Variants in ARMC2 observed in about 807,000 individuals in gnomAD.
ARMC2 encodes the protein armadillo repeat-containing protein 2.
A neutral mutation model predicts 90.3 loss-of-function variants in ARMC2; 67 were observed. The ratio of observed to expected loss-of-function variants is 0.74; its 90% CI spans 0.61 to 0.91. The LOEUF (loss-of-function observed/expected upper bound fraction) is 0.91. Ranked by LOEUF, ARMC2 falls within the 40% of genes least tolerant of loss-of-function variation. ARMC2 has a pLI of 0.00. For synonymous variants in ARMC2, 393 were observed against 393.0 expected, an observed-to-expected ratio of 1.00 and a Z score of 0.00; for missense variants, 920 against 1,030.9, an observed-to-expected ratio of 0.89 and a Z score of 1.47.
At chr6:108,981,736 C>T in the ARMC2 span, among the ~76,000 whole-genome samples, 1 of 151,846 alleles carries the variant, frequency 6.6e-6, no homozygotes, top group Non-Finnish European at 1.5e-5. Context: ...GGCATGATCT[C>T]GGCTCACTGC....
the ARMC2 span, among the ~76,000 whole-genome samples, chr6:109,020,670 TTTTCAAGAGTTACAGA>T: frequency 6.6e-6 from 1 of 152,156 alleles, no homozygotes; most frequent in African/African-American, 2.4e-5. Context: ...TTAGAAGGGA[TTTTCAAGAGTTACAGA>T]TTTCATCACT....
At chr6:108,916,286 A>C (rs1773961168) in intron 10 of ARMC2, among the ~76,000 whole-genome samples, 1 of 152,190 alleles carries the variant, frequency 6.6e-6, no homozygotes, top group South Asian at 2.1e-4. Flanking sequence ...GTCAGTAGGC[A>C]CCTACTTTTT....
intron 12 of ARMC2, among the ~76,000 whole-genome samples, chr6:108,940,612 A>G (rs997778088): frequency 6.6e-6 from 1 of 152,200 alleles, no homozygotes; most frequent in Admixed American, 6.5e-5. Context: ...TGGAGCTGCC[A>G]TAGTGGACAT....
intron 13 of ARMC2, among the ~76,000 whole-genome samples, chr6:108,953,911 C>A (rs1002675076): frequency 6.6e-6 from 1 of 152,126 alleles, no homozygotes; most frequent in Non-Finnish European, 1.5e-5. Context: ...AAATTTATTT[C>A]TTATGCTTCT....
chr6:108,911,459 A>AT (rs994621753), intron 9 of ARMC2, among the ~76,000 whole-genome samples: 2 of 152,136 alleles, frequency 1.3e-5, no homozygotes, highest in African/African-American at 4.8e-5. Flanking sequence ...CTAATGCCTA[A>AT]TTTTTGTTGT....
At chr6:108,944,666 C>G (rs993950191) in intron 12 of ARMC2, among the ~76,000 whole-genome samples, 1 of 152,178 alleles carries the variant, frequency 6.6e-6, no homozygotes, top group Non-Finnish European at 1.5e-5. Flanking sequence ...ATACCCATAT[C>G]TAAATGTTGT....
chr6:108,876,869 G>T (rs534041345), intron 5 of ARMC2, among the ~76,000 whole-genome samples: 6 of 152,306 alleles, frequency 3.9e-5, no homozygotes, highest in Middle Eastern at 3.4e-3. Context: ...CCTCATAAAT[G>T]AATGATTGGG....
At chr6:108,897,504 C>G (rs1173840836) in intron 6 of ARMC2, among the ~76,000 whole-genome samples, 2 of 151,850 alleles carry the variant, frequency 1.3e-5, no homozygotes, top group Non-Finnish European at 2.9e-5. Flanking sequence ...TGTTGACAAC[C>G]TCTATTTACT....
chr6:108,951,388 G>A (rs1379001308), intron 12 of ARMC2, among the ~76,000 whole-genome samples: 1 of 152,126 alleles, frequency 6.6e-6, no homozygotes, highest in African/African-American at 2.4e-5. Flanking sequence ...TCAGGAGCAG[G>A]GTCTCCTAAT....
chr6:108,994,487 T>C, the ARMC2 span: 9 of 1,613,066 alleles, frequency 5.6e-6, no homozygotes, highest in Non-Finnish European at 7.6e-6. Flanking sequence ...ACATACTCTC[T>C]CTTTTTTCTA....
At chr6:109,004,620 CAG>C in the ARMC2 span, among the ~76,000 whole-genome samples, 1 of 151,728 alleles carries the variant, frequency 6.6e-6, no homozygotes, top group African/African-American at 2.4e-5. Context: ...TTAGTAGAGA[CAG>C]GGTTTCACCA....
chr6:108,912,651 A>G, intron 10 of ARMC2, 93 bp downstream of exon 10: 5 of 1,195,406 alleles, frequency 4.2e-6, no homozygotes, highest in Non-Finnish European at 2.4e-6. Flanking sequence ...AGAGGCCCCT[A>G]CAGCCAGGTG....
At chr6:108,872,718 T>A (rs545400724) in intron 4 of ARMC2, among the ~76,000 whole-genome samples, 1 of 152,206 alleles carries the variant, frequency 6.6e-6, no homozygotes, top group Middle Eastern at 3.4e-3. Context: ...GGGAAGCAAA[T>A]AAAGATCAGA....
chr6:108,938,956 G>T (rs1327680786), intron 12 of ARMC2, among the ~76,000 whole-genome samples: 4 of 152,048 alleles, frequency 2.6e-5, no homozygotes, highest in Non-Finnish European at 2.9e-5. Flanking sequence ...GCTTTTTCTA[G>T]TTTGAGTAAC....
the ARMC2 span, among the ~76,000 whole-genome samples, chr6:109,006,282 G>A: frequency 1.3e-5 from 2 of 152,232 alleles, no homozygotes; most frequent in South Asian, 4.1e-4. Flanking sequence ...CATAACTGAT[G>A]AAAGCCCTGA....
chr6:108,927,688 A>G lies in ARMC2; in HGVS notation c.1351-400A>G, dbSNP rs373560477. Among the ~76,000 whole-genome samples, 75 of 149,204 alleles carry G rather than the reference A, an allele frequency of 5.0e-4. 1 individual carries two copies. In the East Asian group the frequency reaches 0.011, roughly 23 times the overall value. ...CTATTTATAAAAGCATAGAACAATC[A>G]GACAAGAATACCTATAAAATTAAAA... On this transcript the variant is annotated intron_variant, in intron 10 of 17. Transcript: ENST00000392644.
the ARMC2 span, chr6:109,000,686 A>C: frequency 6.6e-7 from 1 of 1,522,184 alleles, no homozygotes; most frequent in Non-Finnish European, 8.8e-7. Flanking sequence ...TAAAACAAAA[A>C]GATTATTCTA....
the ARMC2 span, chr6:108,998,411 G>A: frequency 7.1e-7 from 1 of 1,416,318 alleles, no homozygotes; most frequent in Non-Finnish European, 9.7e-7. Flanking sequence ...TATCTCCACA[G>A]TCTTAACAGG....
Position 108,953,214 on chromosome 6 carries a change from C to T in ARMC2, c.1778C>T (p.Ala593Val), listed in dbSNP as rs200354649. The T allele has an allele frequency of 5.8e-5, 93 of 1,613,848 alleles. No homozygotes were observed. The highest frequency in any genetic ancestry group is 8.3e-5 in the Admixed American group (5 of 60,012). The change falls in exon 13 of 18, where the codon GCG (alanine) becomes GTG (valine). Residue 593 changes from alanine to valine, a missense_variant. Ala to Val is a moderately conservative substitution (Grantham distance 64). Coordinates refer to ENST00000392644, the MANE Select transcript of ARMC2 (RefSeq NM_032131.6). ...PVGQRGEQHRAQRPPSEAEDV... is the reference protein window; with the variant it reads ...PVGQRGEQHRVQRPPSEAEDV... Reference sequence around the variant, plus strand: ...GGCCAACGAGGCGAGCAGCACAGGGCGCAGAGGCCGCCGTCAGAGGCAGAG... The same window carrying T: ...GGCCAACGAGGCGAGCAGCACAGGGTGCAGAGGCCGCCGTCAGAGGCAGAG...
Sources: allele counts gnomAD v4.1 joint callset (sites outside exome capture counted in the v4.1 genomes callset), GRCh38; gene constraint gnomAD v4.1.1; transcripts MANE v1.5; gene names NCBI Gene and HGNC (gene_info 2026-07-23, HGNC 2026-07-21).